Variants in PIF1 observed in about 807,000 individuals in gnomAD.
PIF1 encodes PIF1 5'-to-3' DNA helicase, also known as ATP-dependent DNA helicase PIF1.
A neutral mutation model predicts 62.3 loss-of-function variants in PIF1; 67 were observed. The observed-to-expected ratio is 1.08, with a 90% CI of 0.88 to 1.32. The LOEUF is 1.32. PIF1 is among the 40% of genes most tolerant of loss of function. The probability of loss-of-function intolerance (pLI) is 0.00; values close to 1 mark genes in which losing one functional copy is unlikely to be tolerated. For synonymous variants in PIF1, 364 were observed against 379.5 expected (o/e 0.96, Z 0.47); for missense variants, 886 against 866.1 (o/e 1.02, Z -0.29).
rs780763799 is a variant in PIF1, at chr15:64,818,111, G to A, written c.1529-20C>T. On this transcript the variant is annotated intron_variant, in intron 10 of 12. Coordinates refer to ENST00000559239, the MANE Select transcript of PIF1 (RefSeq NM_001286496.2). ...GTAGCCCTAAGGAGAGCATGGAGCA[G>A]TCCAACTTTAGCTCTGCTTCAGGGC... 2 of 1,613,374 alleles carry A rather than the reference G, an allele frequency of 1.2e-6. No individual in the cohort carries two copies. The highest frequency in any genetic ancestry group is 4.5e-5 in the East Asian group (2 of 44,858).
chr15:64,816,506 G>A, intron 12 of PIF1, 68 bp downstream of exon 12: 1 of 1,597,198 alleles, frequency 6.3e-7, no homozygotes, highest in South Asian at 1.1e-5. Flanking sequence ...CACTGGGCCG[G>A]CGCTCCCTCT....
chr15:64,826,248 G>C (rs555034948), upstream of PIF1, among the ~76,000 whole-genome samples: 8 of 152,216 alleles, frequency 5.3e-5, no homozygotes, highest in South Asian at 1.7e-3. Flanking sequence ...GAAGCGAGTA[G>C]AGTCTCTGTC....
rs953969247 is a variant in PIF1, at chr15:64,819,282, C to T, written c.1334-59G>A. On this transcript the variant is annotated intron_variant, in intron 8 of 12. Transcript: ENST00000559239. ...ATCACTGACTTGTGACTCAGCATCC[C>T]AAAAAAGACTTTTTTTAAATTTTAA... 7.1e-6 allele frequency: 8 copies of T among 1,132,780 alleles called. No homozygotes were observed. In the Admixed American group the frequency reaches 9.9e-5, roughly 14 times the overall value. The allele number at this position is 1,132,780 out of a possible 1,614,324, so 70.2% of individuals were successfully genotyped here.
At chr15:64,821,565 CTTTTTTTTTTT>C (rs56305637) in intron 4 of PIF1, 45 bp from the exon 5 acceptor site, 32 of 1,248,270 alleles carry the variant, frequency 2.6e-5, no homozygotes, top group Middle Eastern at 2.8e-4. Context: ...CAAAGCCTCT[CTTTTTTTTTTT>C]TTTTTTTTTT....
intron 4 of PIF1, 25 bp from the exon 5 acceptor site, chr15:64,821,545 G>A (rs776992814): frequency 6.5e-7 from 1 of 1,543,578 alleles, no homozygotes. Flanking sequence ...ATTCAGCCTG[G>A]GCTAATACCC....
At position 64,824,190 on chromosome 15, in the gene PIF1, T is replaced by C; in HGVS notation, c.146A>G (p.Glu49Gly). ...RTAELSLGRN[E>G]RRELMLRLQA... The stretch of plus-strand genomic sequence containing the variant: ...CAGCCGCAGCATCAACTCGCGGCGC[T>C]CGTTGCGACCCAGGCTCAGCTCCGC... The change falls in exon 2 of 13, where the codon GAG becomes GGG. Residue 49 changes from glutamate (E) to glycine (G), a missense_variant. By Grantham distance (98) the Glu-to-Gly change is moderately conservative (BLOSUM62 -2). Coordinates refer to ENST00000559239, the MANE Select transcript of PIF1 (RefSeq NM_001286496.2). The C allele has an allele frequency of 1.5e-6, 2 of 1,345,714 alleles. No individual in the cohort carries two copies. The highest frequency in any genetic ancestry group is 1.9e-6 in the Non-Finnish European group (2 of 1,044,598). 83.4% of individuals were successfully genotyped at this position (1,345,714 alleles called of 1,614,324 possible). A position where few individuals can be genotyped will look rare whatever the true frequency, so the allele number is the denominator to read the frequency against.
intron 7 of PIF1, 128 bp downstream of exon 7, chr15:64,820,854 T>C: frequency 1.3e-6 from 1 of 796,658 alleles, no homozygotes; most frequent in Non-Finnish European, 2.1e-6. Context: ...AAGGCTCCTC[T>C]TCCTGCATGG....
chr15:64,817,010 G>A lies in PIF1; in HGVS notation c.1675-245C>T, dbSNP rs904159321. ...CACTCAGGCTCTGGGTCAGACAGGC[G>A]TGGAGCTGAATCCAGGCTGCCACTC... On this transcript the variant is annotated intron_variant, in intron 11 of 12. Coordinates refer to ENST00000559239, the MANE Select transcript of PIF1 (RefSeq NM_001286496.2). 4.6e-5 allele frequency among the ~76,000 whole-genome samples: 7 copies of A among 152,230 alleles called. No individual in the cohort carries two copies. The South Asian group carries it at 6.2e-4, about 13-fold the overall frequency.
At position 64,818,287 on chromosome 15, in the gene PIF1, C is replaced by T; in HGVS notation, c.1498G>A (p.Val500Met). Residue 500 changes from valine (V) to methionine (M), a missense_variant, in exon 10 of 13, where the codon GTG (valine) becomes ATG (methionine). By Grantham distance (21) the Val-to-Met change is conservative (BLOSUM62 1). Coordinates refer to ENST00000559239, the MANE Select transcript of PIF1 (RefSeq NM_001286496.2). ...SRGLVNGARG[V>M]VVGFEAEGRG... ...CCTTCTGCCTCGAACCCAACTACCA[C>T]CCCTCGGGCACCATTCACCAGGCCC... 6.2e-7 allele frequency: 1 copy of T among 1,614,170 alleles called. No individual in the cohort carries two copies. The highest frequency in any genetic ancestry group is 1.3e-5 in the African/African-American group (1 of 75,044).
intron 1 of PIF1, among the ~76,000 whole-genome samples, chr15:64,825,064 T>C (rs1595819965): frequency 6.6e-6 from 1 of 151,494 alleles, no homozygotes; most frequent in African/African-American, 2.4e-5. Context: ...GAGCGGCGGA[T>C]GGGCACCGAG....
At chr15:64,827,048 G>A (rs947928356), upstream of PIF1, among the ~76,000 whole-genome samples, 1 of 152,204 alleles carries the variant, frequency 6.6e-6, no homozygotes, top group Non-Finnish European at 1.5e-5. Context: ...GTTAGCGGTA[G>A]AGGGTGATGA....
At position 64,815,754 on chromosome 15, in the gene PIF1, C is replaced by A; in HGVS notation, c.*544G>T. 1 of 1,550,600 alleles carries A rather than the reference C, an allele frequency of 6.4e-7. No homozygotes were observed. The highest frequency in any genetic ancestry group is 8.7e-7 in the Non-Finnish European group (1 of 1,147,002). On this transcript the variant is annotated 3_prime_UTR_variant, in exon 13 of 13. Transcript: ENST00000559239. ...GCTTAAAATATGGGTGCACATTTTG[C>A]AGCTTATGTTCTTTGGTTAGGCTCT...
intron 8 of PIF1, 54 bp downstream of exon 8, chr15:64,819,793 A>T: frequency 1.2e-6 from 2 of 1,604,340 alleles, no homozygotes; most frequent in Non-Finnish European, 1.7e-6. Flanking sequence ...TGGGGGCTAC[A>T]TCTGCTTATA....
intron 12 of PIF1, 94 bp downstream of exon 12, chr15:64,816,479 GC>G: frequency 6.3e-7 from 1 of 1,591,488 alleles, no homozygotes; most frequent in Non-Finnish European, 8.6e-7. Flanking sequence ...GGGCTTTTCT[GC>G]CCCCACCCCA....
chr15:64,815,789 T>C lies in PIF1; in HGVS notation c.*509A>G. On this transcript the variant is annotated 3_prime_UTR_variant, in exon 13 of 13. Transcript: ENST00000559239. ...TCTTTGGTTAGGCTCTGAAGGGTGT[T>C]TGTTCTGGGCTGGGCTAGGCTGGGC... 6.4e-7 allele frequency: 1 copy of C among 1,550,576 alleles called. No individual in the cohort carries two copies. The highest frequency in any genetic ancestry group is 8.7e-7 in the Non-Finnish European group (1 of 1,147,004).
chr15:64,816,499 T>C, intron 12 of PIF1, 75 bp downstream of exon 12: 2 of 1,595,890 alleles, frequency 1.3e-6, no homozygotes, highest in Non-Finnish European at 1.7e-6. Flanking sequence ...CAGGTCCCAC[T>C]GGGCCGGCGC....
At chr15:64,820,269 A>G (rs3825803) in intron 7 of PIF1, among the ~76,000 whole-genome samples, 148,851 of 152,366 alleles carry the variant, frequency 0.98, 72,725 homozygotes, top group Admixed American at 0.99. Context: ...ACTCCATAAT[A>G]CTCCTGAGGA....
At position 64,824,051 on chromosome 15, in the gene PIF1, G is replaced by A. The variant is rs2084329691; in HGVS notation, c.285C>T (p.Thr95=). The change falls in exon 2 of 13, where the codon ACC becomes ACT. Residue 95 remains threonine, a synonymous_variant. Transcript: ENST00000559239. ...GCAGCTGCACTGCGCCGGCCCCGGG[G>A]GTGTCGTGGGCGGGGAGCCGCAGGG... The part of the protein sequence containing the change: ...RSTLRLPAHD[T]PGAGAVQLLL... 2.4e-6 allele frequency: 3 copies of A among 1,264,556 alleles called. No individual in the cohort carries two copies. The highest frequency in any genetic ancestry group is 3.0e-6 in the Non-Finnish European group (3 of 1,006,500). The allele number at this position is 1,264,556 out of a possible 1,614,324, so 78.3% of individuals were successfully genotyped here.
rs1280478203 is a variant in PIF1, at chr15:64,824,019, G to C, written c.317C>G (p.Ser106Trp). 1 of 1,292,616 alleles carries C rather than the reference G, an allele frequency of 7.7e-7. No individual in the cohort carries two copies. Among genetic ancestry groups the C allele is most frequent in the Non-Finnish European group, 9.8e-7 (1 of 1,021,028 alleles). 80.1% of individuals were successfully genotyped at this position (1,292,616 alleles called of 1,614,324 possible). A position where few individuals can be genotyped will look rare whatever the true frequency, so the allele number is the denominator to read the frequency against. ...PGAGAVQLLL[S>W]DCPPDRLRRF... The stretch of plus-strand genomic sequence containing the variant: ...GCGCAGGCGGTCTGGGGGGCAGTCC[G>C]AGAGCAGCAGCTGCACTGCGCCGGC... The change falls in exon 2 of 13, where the codon TCG becomes TGG. Residue 106 changes from serine to tryptophan, a missense_variant. Transcript: ENST00000559239.
Sources: gnomAD v4.1 joint callset for allele counts (sites outside exome capture counted in the v4.1 genomes callset) on GRCh38, gnomAD v4.1.1 for gene constraint, MANE v1.5 for transcripts, NCBI Gene and HGNC (gene_info 2026-07-23, HGNC 2026-07-21) for gene names.